Variants in DPP10 observed in about 807,000 individuals in gnomAD.
DPP10 encodes inactive dipeptidyl peptidase 10.
DPP10 carries 33 observed loss-of-function variants against 120.9 expected under a neutral mutation model. The observed-to-expected ratio is 0.27, with a 90% CI of 0.21 to 0.37. DPP10 has a LOEUF of 0.37. DPP10 is among the 10% of genes least tolerant of loss of function. The pLI is 1.00. For missense variants in DPP10, 816 were observed against 942.8 expected (o/e 0.87, Z 1.76); for synonymous variants, 337 against 326.1 (o/e 1.03, Z -0.36).
chr2:114,669,026 T>C (rs1035452224), intron 1 of DPP10, among the ~76,000 whole-genome samples: 4 of 152,154 alleles, frequency 2.6e-5, no homozygotes, highest in African/African-American at 9.7e-5. Flanking sequence ...ATTGCTTGAG[T>C]CTGATCATCC....
chr2:115,384,707 A>AAGAAG (rs1553574793), intron 3 of DPP10, among the ~76,000 whole-genome samples: 7 of 148,426 alleles, frequency 4.7e-5, no homozygotes, highest in African/African-American at 1.5e-4. Context: ...AAGAAAGAAG[A>AAGAAG]AAGAAGAAGA....
chr2:115,095,574 G>GTTTTTTTTTTTTTTTTTTTTTT (rs924847937), intron 1 of DPP10, among the ~76,000 whole-genome samples: 6 of 137,720 alleles, frequency 4.4e-5, no homozygotes, highest in Non-Finnish European at 7.9e-5. Flanking sequence ...ATTCTGTTTG[G>GTTTTTTTTTTTTTTTTTTTTTT]TTTTTTTTTT....
chr2:115,002,172 AAAAC>A (rs796168665), intron 1 of DPP10, among the ~76,000 whole-genome samples: 4 of 152,124 alleles, frequency 2.6e-5, no homozygotes, highest in East Asian at 1.9e-4. Flanking sequence ...GGTACTGGTA[AAAAC>A]AAACAAACAA....
At chr2:115,161,826 G>GCTCCCCCCCCCCCCTCCC in intron 1 of DPP10, 3 of 367,368 alleles carry the variant, frequency 8.2e-6, no homozygotes, top group East Asian at 9.4e-5. Flanking sequence ...CCGCCCCTCC[G>GCTCCCCCCCCCCCCTCCC]CTCCCCCCAC....
intron 1 of DPP10, among the ~76,000 whole-genome samples, chr2:115,135,243 T>G (rs369058063): frequency 1.1e-4 from 1 of 9,030 alleles, no homozygotes; most frequent in African/African-American, 1.9e-4. Context: ...GCCCTTGAGA[T>G]ATATATATAT....
intron 1 of DPP10, among the ~76,000 whole-genome samples, chr2:114,710,831 G>A (rs1224319409): frequency 6.6e-6 from 1 of 152,180 alleles, no homozygotes; most frequent in Non-Finnish European, 1.5e-5. Context: ...GCAAATTTAG[G>A]TTAGACAAGG....
At chr2:114,832,406 G>T (rs537629876) in intron 1 of DPP10, among the ~76,000 whole-genome samples, 1 of 152,286 alleles carries the variant, frequency 6.6e-6, no homozygotes, top group Non-Finnish European at 1.5e-5. Flanking sequence ...GTGTTGGTGG[G>T]TTCCTGTAGT....
intron 7 of DPP10, among the ~76,000 whole-genome samples, chr2:115,696,844 TTA>T: frequency 6.6e-6 from 1 of 152,342 alleles, no homozygotes; most frequent in African/African-American, 2.4e-5. Context: ...CACATTTTTT[TTA>T]GACATAATTT....
chr2:114,646,194 AT>A lies in DPP10; in HGVS notation c.60+203357del, dbSNP rs1172967158. On this transcript the variant is annotated intron_variant, in intron 1 of 25. Coordinates refer to ENST00000410059, the MANE Select transcript of DPP10 (RefSeq NM_020868.6). ...AATAAATAAATAAATAAATAAATAA[AT>A]AAAAAGGGGGAGAGGGGATCAAAAG... Among the ~76,000 whole-genome samples the A allele has an allele frequency of 1.2e-3, 186 of 151,558 alleles. 1 individual carries two copies. The East Asian group carries it at 0.017, about 14-fold the overall frequency.
rs1263605405 is a variant in DPP10 at position 115,406,384 on chromosome 2, C to T, written c.271+62472C>T. ...ACATTTTTTTAGTCTTTTTTGTCTTCTTTTGAGCCCTCATTATATTATCCT... is the reference window on the plus strand; with the variant it reads ...ACATTTTTTTAGTCTTTTTTGTCTTTTTTTGAGCCCTCATTATATTATCCT... On this transcript the variant is annotated intron_variant, in intron 3 of 25. Coordinates refer to ENST00000410059, the MANE Select transcript of DPP10 (RefSeq NM_020868.6). 2.6e-5 allele frequency among the ~76,000 whole-genome samples: 4 copies of T among 152,072 alleles called. No homozygotes were observed. The East Asian group carries it at 5.8e-4, about 22-fold the overall frequency.
intron 1 of DPP10, among the ~76,000 whole-genome samples, chr2:114,572,723 C>G (rs1174917801): frequency 6.6e-6 from 1 of 152,134 alleles, no homozygotes; most frequent in Non-Finnish European, 1.5e-5. Context: ...GCTACATGTG[C>G]CAGCCATCGT....
intron 1 of DPP10, among the ~76,000 whole-genome samples, chr2:114,557,000 C>CTTTTTTTTTTTT (rs59230198): frequency 7.2e-6 from 1 of 138,746 alleles, no homozygotes. Flanking sequence ...GCAAAGACAG[C>CTTTTTTTTTTTT]TTTTTTTTTT....
At chr2:115,065,014 T>A (rs1470448507) in intron 1 of DPP10, among the ~76,000 whole-genome samples, 1 of 152,230 alleles carries the variant, frequency 6.6e-6, no homozygotes, top group Non-Finnish European at 1.5e-5. Context: ...TGAATTATTA[T>A]CCATTTAGAA....
At chr2:115,005,347 A>ATGGAACAAAG (rs1197417131) in intron 1 of DPP10, among the ~76,000 whole-genome samples, 4 of 152,238 alleles carry the variant, frequency 2.6e-5, no homozygotes, top group African/African-American at 7.2e-5. Flanking sequence ...CTCACCAGCA[A>ATGGAACAAAG]TGGAACAAAG....
intron 5 of DPP10, among the ~76,000 whole-genome samples, chr2:115,674,391 T>C (rs1354815655): frequency 6.6e-6 from 1 of 152,008 alleles, no homozygotes; most frequent in African/African-American, 2.4e-5. Context: ...TGATGTTTTT[T>C]TTTTTTTAAG....
intron 1 of DPP10, among the ~76,000 whole-genome samples, chr2:115,254,838 G>A (rs1160451905): frequency 3.9e-5 from 6 of 152,176 alleles, no homozygotes; most frequent in Non-Finnish European, 7.3e-5. Context: ...GCAAGAGGTG[G>A]GCTCCCACAG....
intron 4 of DPP10, among the ~76,000 whole-genome samples, chr2:115,518,741 A>G (rs538931638): frequency 1.3e-5 from 2 of 152,248 alleles, no homozygotes; most frequent in Non-Finnish European, 2.9e-5. Flanking sequence ...GTAACTTTCT[A>G]CTGGGCAGCT....
rs200329965 is a variant in DPP10, at chr2:114,503,188, G to C, written c.60+60350G>C. On this transcript the variant is annotated intron_variant, in intron 1 of 25. Coordinates refer to ENST00000410059, the MANE Select transcript of DPP10 (RefSeq NM_020868.6). ...TGCACAGATGCTCTAAGTGCTACTC[G>C]ACTTACCCAACTTTATAAAAGGAGG... is the stretch of plus-strand genomic sequence containing the variant. Among the ~76,000 whole-genome samples, 18 of 152,222 alleles carry C rather than the reference G, an allele frequency of 1.2e-4. No homozygotes were observed. In the East Asian group the frequency reaches 3.3e-3, roughly 28 times the overall value.
intron 1 of DPP10, among the ~76,000 whole-genome samples, chr2:114,646,771 C>T (rs1284521652): frequency 6.6e-6 from 1 of 152,182 alleles, no homozygotes; most frequent in Non-Finnish European, 1.5e-5. Context: ...GGGAGTTTTA[C>T]TTTATGGCTG....
Sources: gnomAD v4.1 joint callset for allele counts (sites outside exome capture counted in the v4.1 genomes callset) on GRCh38, gnomAD v4.1.1 for gene constraint, MANE v1.5 for transcripts, NCBI Gene and HGNC (gene_info 2026-07-23, HGNC 2026-07-21) for gene names.